Variants in SLC39A11 observed in about 807,000 individuals in gnomAD.
The protein encoded by SLC39A11 is zinc transporter ZIP11.
In SLC39A11, 33 loss-of-function variants were observed where a neutral mutation model predicts 36.1. The observed-to-expected ratio is 0.91, with a 90% CI of 0.69 to 1.22. SLC39A11 has a LOEUF of 1.22. Among genes scored for constraint, SLC39A11 ranks in the 50% most tolerant of loss-of-function variants. The probability of loss-of-function intolerance (pLI) is 0.00; values close to 1 mark genes in which losing one functional copy is unlikely to be tolerated. For missense variants in SLC39A11, 432 were observed against 430.3 expected, an observed-to-expected ratio of 1.00 and a Z score of -0.03; for synonymous variants, 166 against 170.3, an observed-to-expected ratio of 0.97 and a Z score of 0.20.
At chr17:73,002,333 C>T (rs1598798533) in intron 4 of SLC39A11, among the ~76,000 whole-genome samples, 1 of 152,076 alleles carries the variant, frequency 6.6e-6, no homozygotes, top group Non-Finnish European at 1.5e-5. Flanking sequence ...GTGACTAGTT[C>T]GAAGTCCTAC....
At chr17:72,854,635 T>C (rs920427796) in intron 5 of SLC39A11, among the ~76,000 whole-genome samples, 4 of 152,154 alleles carry the variant, frequency 2.6e-5, no homozygotes, top group Non-Finnish European at 5.9e-5. Context: ...TGAAGATTCT[T>C]TGTTGTTAGG....
chr17:73,025,988 G>A (rs1265210198), intron 4 of SLC39A11, among the ~76,000 whole-genome samples: 2 of 151,084 alleles, frequency 1.3e-5, no homozygotes, highest in South Asian at 4.2e-4. Flanking sequence ...TGCGGTGGCA[G>A]GTGCCTGTAA....
chr17:73,065,038 C>A (rs2059958320), intron 3 of SLC39A11, among the ~76,000 whole-genome samples: 1 of 152,030 alleles, frequency 6.6e-6, no homozygotes, highest in African/African-American at 2.4e-5. Context: ...TAAAATGAGA[C>A]AGAGTCTCCC....
At chr17:73,052,561 C>T (rs1462939547) in intron 3 of SLC39A11, among the ~76,000 whole-genome samples, 2 of 152,124 alleles carry the variant, frequency 1.3e-5, no homozygotes, top group Non-Finnish European at 2.9e-5. Context: ...CTATTAAAGG[C>T]ATATAAAATA....
At chr17:72,723,927 G>A (rs1030857213) in intron 7 of SLC39A11, among the ~76,000 whole-genome samples, 4 of 152,128 alleles carry the variant, frequency 2.6e-5, no homozygotes, top group Non-Finnish European at 4.4e-5. Context: ...AGGTAACGAC[G>A]GGATTGTATT....
At chr17:73,060,645 T>C (rs1008549858) in intron 3 of SLC39A11, among the ~76,000 whole-genome samples, 1 of 151,878 alleles carries the variant, frequency 6.6e-6, no homozygotes, top group African/African-American at 2.4e-5. Flanking sequence ...TCTCACCTTG[T>C]AAAGGGGAGA....
intron 3 of SLC39A11, among the ~76,000 whole-genome samples, chr17:73,046,460 C>T (rs2059295419): frequency 6.6e-6 from 1 of 152,014 alleles, no homozygotes; most frequent in Non-Finnish European, 1.5e-5. Flanking sequence ...CGAAAAAGCC[C>T]CCTCCTAGGA....
chr17:72,985,133 G>A (rs1362907669), intron 4 of SLC39A11, among the ~76,000 whole-genome samples: 6 of 152,168 alleles, frequency 3.9e-5, no homozygotes, highest in South Asian at 2.1e-4. Context: ...CGTGGCTGAC[G>A]CCACTCCACA....
chr17:73,049,253 G>C (rs62073127), intron 3 of SLC39A11, among the ~76,000 whole-genome samples: 17,072 of 152,256 alleles, frequency 0.11, 1,139 homozygotes, highest in Non-Finnish European at 0.15. Flanking sequence ...GAGAGGGACT[G>C]GGGGCAGGGG....
At chr17:72,858,364 T>G (rs1371628777) in intron 5 of SLC39A11, among the ~76,000 whole-genome samples, 2 of 152,360 alleles carry the variant, frequency 1.3e-5, no homozygotes, top group Non-Finnish European at 2.9e-5. Flanking sequence ...TACCATGCTG[T>G]TTTGGTTACT....
chr17:72,847,611 CT>C (rs2079111569), intron 6 of SLC39A11, among the ~76,000 whole-genome samples: 1 of 151,958 alleles, frequency 6.6e-6, no homozygotes. Flanking sequence ...AATATCTGAG[CT>C]TAAAAAGTAA....
At chr17:73,051,464 CTG>C (rs976461674) in intron 3 of SLC39A11, among the ~76,000 whole-genome samples, 1 of 151,862 alleles carries the variant, frequency 6.6e-6, no homozygotes, top group Admixed American at 6.6e-5. Flanking sequence ...GGTTTGGGGA[CTG>C]TGCAACTTGG....
chr17:72,855,046 C>T (rs1042196900), intron 5 of SLC39A11, among the ~76,000 whole-genome samples: 18 of 152,194 alleles, frequency 1.2e-4, no homozygotes, highest in Non-Finnish European at 1.9e-4. Flanking sequence ...GGCTTCCTCC[C>T]TGCAGAGTGG....
At chr17:73,089,813 G>A (rs997664441) in intron 1 of SLC39A11, 1 of 152,062 alleles carries the variant, frequency 6.6e-6, no homozygotes, top group Non-Finnish European at 1.5e-5. Context: ...TTACACCACC[G>A]CCCACCAAGG....
chr17:72,919,669 C>CAAAAA lies in SLC39A11; in HGVS notation c.430+28078_430+28082dup, dbSNP rs35888661. ...ACTGGGCGACAGAGGGAGAGTCCGT[C>CAAAAA]AAAAAAAAAAAAAAAAGAAAAAAAG... On this transcript the variant is annotated intron_variant, in intron 5 of 9. Transcript: ENST00000255559. Among the ~76,000 whole-genome samples the CAAAAA allele has an allele frequency of 8.7e-5, 6 of 69,010 alleles. 1 individual carries two copies. The highest frequency in any genetic ancestry group is 2.8e-4 in the African/African-American group (4 of 14,504). 45.3% of individuals were successfully genotyped at this position (69,010 alleles called of 152,430 possible).
chr17:73,035,556 G>C (rs2058879691), intron 3 of SLC39A11, among the ~76,000 whole-genome samples: 1 of 152,112 alleles, frequency 6.6e-6, no homozygotes. Flanking sequence ...TTAAATTAAG[G>C]ACCTGGAGAT....
At chr17:72,656,342 C>T (rs905761051) in intron 7 of SLC39A11, among the ~76,000 whole-genome samples, 5 of 151,970 alleles carry the variant, frequency 3.3e-5, no homozygotes, top group East Asian at 1.9e-4. Context: ...GAAAAGAAAC[C>T]GCAGGCTGTC....
At chr17:72,990,591 A>T (rs577829665) in intron 4 of SLC39A11, among the ~76,000 whole-genome samples, 17 of 151,860 alleles carry the variant, frequency 1.1e-4, no homozygotes, top group African/African-American at 4.1e-4. Context: ...GGTCCAGCTA[A>T]TTTTTTTTGT....
At chr17:72,764,602 T>G (rs1238236766) in intron 6 of SLC39A11, among the ~76,000 whole-genome samples, 1 of 151,922 alleles carries the variant, frequency 6.6e-6, no homozygotes, top group East Asian at 1.9e-4. Context: ...GCATGGTCAG[T>G]GAGACAGCCC....
Sources: allele counts gnomAD v4.1 joint callset (sites outside exome capture counted in the v4.1 genomes callset), GRCh38; gene constraint gnomAD v4.1.1; transcripts MANE v1.5; gene names NCBI Gene and HGNC (gene_info 2026-07-23, HGNC 2026-07-21).